Variants in FCRL2 observed in about 807,000 individuals in gnomAD.
FCRL2 encodes the protein Fc receptor-like protein 2.
FCRL2 carries 48 observed loss-of-function variants against 59.8 expected under a neutral mutation model. That is an observed-to-expected ratio of 0.80 (90% CI 0.64 to 1.02). FCRL2 has a LOEUF of 1.02. Among genes scored for constraint, FCRL2 ranks in the 50% least tolerant of loss-of-function variants. FCRL2 has a pLI of 0.00. For synonymous variants in FCRL2, 251 were observed against 229.5 expected (o/e 1.09, Z -0.85); for missense variants, 658 against 597.3 (o/e 1.10, Z -1.06).
At chr1:157,769,168 A>T (rs575601780) in intron 4 of FCRL2, 1 of 156,128 alleles carries the variant, frequency 6.4e-6, no homozygotes, top group South Asian at 2.0e-4. Context: ...TCCTGATGCT[A>T]CATTGCCTTC....
At position 157,769,894 on chromosome 1, in the gene FCRL2, C is replaced by G. The variant is rs765009079; in HGVS notation, c.567G>C (p.Gln189His). ...AETVTHRIRK[Q>H]SLQSQIHVQR... is the part of the protein sequence containing the mutation. ...GCACGTGAATCTGGGATTGGAGGCT[C>G]TGTTTTCTGATCCTGTGAGTCACCG... Residue 189 changes from glutamine (Q) to histidine (H), a missense_variant, in exon 4 of 12, where the codon CAG becomes CAC. Transcript: ENST00000361516. The G allele has an allele frequency of 6.8e-6, 11 of 1,614,038 alleles. No homozygotes were observed. The South Asian group carries it at 1.2e-4, about 18-fold the overall frequency.
intron 1 of FCRL2, 46 bp from the exon 2 acceptor site, chr1:157,775,841 T>C (rs748570329): frequency 1.9e-6 from 3 of 1,599,480 alleles, no homozygotes; most frequent in African/African-American, 1.3e-5. Flanking sequence ...GCATTTGCCC[T>C]CATAATTTAT....
chr1:157,760,703 G>GAA (rs1648985566), intron 7 of FCRL2, among the ~76,000 whole-genome samples: 1 of 79,030 alleles, frequency 1.3e-5, no homozygotes, highest in Admixed American at 1.2e-4. Context: ...AAGAAGGAAA[G>GAA]AAAGAAAGAA....
chr1:157,747,404 C>T (rs907206816), intron 10 of FCRL2, among the ~76,000 whole-genome samples: 2 of 152,174 alleles, frequency 1.3e-5, no homozygotes, highest in Non-Finnish European at 2.9e-5. Context: ...GGATGACATC[C>T]CTTTCCTTCC....
chr1:157,766,778 T>G, intron 7 of FCRL2, 77 bp downstream of exon 7: 1 of 1,575,356 alleles, frequency 6.3e-7, no homozygotes. Flanking sequence ...TTCTCTCTTC[T>G]TTTTTTGTAA....
At chr1:157,755,387 T>C (rs1245884473) in intron 7 of FCRL2, among the ~76,000 whole-genome samples, 1 of 152,192 alleles carries the variant, frequency 6.6e-6, no homozygotes, top group East Asian at 1.9e-4. Context: ...GGCTGGTGTG[T>C]TATAAACAAG....
rs375921670 is a variant in FCRL2 at position 157,770,557 on chromosome 1, A to T, written c.162T>A (p.Asp54Glu). 55 of 1,614,122 alleles carry T rather than the reference A, an allele frequency of 3.4e-5. No homozygotes were observed. Among genetic ancestry groups the T allele is most frequent in the Non-Finnish European group, 4.4e-5 (52 of 1,180,038 alleles). Residue 54 changes from aspartate to glutamate, a missense_variant, in exon 3 of 12, where the codon GAT (aspartate) becomes GAA (glutamate). Physicochemically the swap from Asp to Glu is conservative, Grantham distance 45. Coordinates refer to ENST00000361516, the MANE Select transcript of FCRL2 (RefSeq NM_030764.4). ...TTTTGAAAACAGATAACTCTTTGTT[A>T]TCCTTATGGTAAGCCATCTTCTGAA... is the stretch of plus-strand genomic sequence containing the variant. ...WKIQKMAYHKDNKELSVFKKF... is the reference protein window; with the variant it reads ...WKIQKMAYHKENKELSVFKKF...
intron 7 of FCRL2, among the ~76,000 whole-genome samples, chr1:157,753,359 G>A (rs968687074): frequency 1.3e-5 from 2 of 152,000 alleles, no homozygotes; most frequent in Non-Finnish European, 2.9e-5. Flanking sequence ...TATAAACTGG[G>A]GATTCCCAGG....
chr1:157,758,984 T>G (rs941834367), intron 7 of FCRL2, among the ~76,000 whole-genome samples: 7 of 152,146 alleles, frequency 4.6e-5, no homozygotes, highest in African/African-American at 1.7e-4. Context: ...TTTGATATGG[T>G]TGGGCTGTGT....
chr1:157,751,891 A>C lies in FCRL2; in HGVS notation c.1280-2214T>G, dbSNP rs530706949. On this transcript the variant is annotated intron_variant, in intron 7 of 11. Coordinates refer to ENST00000361516, the MANE Select transcript of FCRL2 (RefSeq NM_030764.4). ...CCCCAAAATAGGAGCTGATTTTCTC[A>C]ACCGAGCAAACCTGGAGAGTCAGCT... 3.4e-4 allele frequency among the ~76,000 whole-genome samples: 52 copies of C among 151,054 alleles called. 1 individual carries two copies. The highest frequency in any genetic ancestry group is 1.8e-4 in the Non-Finnish European group (12 of 67,970).
chr1:157,764,774 T>C (rs941876330), intron 7 of FCRL2, among the ~76,000 whole-genome samples: 8 of 152,024 alleles, frequency 5.3e-5, no homozygotes, highest in African/African-American at 1.9e-4. Context: ...TTGAAACAAA[T>C]GAAAATTGAA....
chr1:157,749,033 G>C (rs1484951171), intron 8 of FCRL2, 73 bp from the exon 9 acceptor site: 1 of 1,336,086 alleles, frequency 7.5e-7, no homozygotes, highest in African/African-American at 1.4e-5. Context: ...ACTGGCTGAG[G>C]AGAGAGCAGG....
intron 6 of FCRL2, 89 bp from the exon 7 acceptor site, chr1:157,767,060 CAAGTAAGAGATCATTG>C (rs1295097106): frequency 7.3e-7 from 1 of 1,363,126 alleles, no homozygotes; most frequent in African/African-American, 1.5e-5. Context: ...AATACAAATT[CAAGTAAGAGATCATTG>C]AAGTGTAGTC....
intron 4 of FCRL2, 144 bp from the exon 5 acceptor site, chr1:157,768,845 A>G (rs1359133597): frequency 6.3e-6 from 5 of 796,226 alleles, no homozygotes; most frequent in Non-Finnish European, 9.7e-6. Flanking sequence ...GAGGTAGGGA[A>G]TCTATAACAA....
chr1:157,756,316 T>C (rs1487838260), intron 7 of FCRL2, among the ~76,000 whole-genome samples: 2 of 152,202 alleles, frequency 1.3e-5, no homozygotes, highest in Non-Finnish European at 2.9e-5. Context: ...TAAATTGAGG[T>C]GGTCCCAATT....
Position 157,770,616 on chromosome 1 carries a change from C to G in FCRL2, c.103G>C (p.Val35Leu). Reference sequence around the variant, plus strand: ...TTCTGTTCTCCCTGGCATTTCAGAACGATGCTGTCTCCTTCGAAGACAGAA... The same window carrying G: ...TTCTGTTCTCCCTGGCATTTCAGAAGGATGCTGTCTCCTTCGAAGACAGAA... ...PSSVFEGDSI[V>L]LKCQGEQNWK... Residue 35 changes from valine (V) to leucine (L), a missense_variant, in exon 3 of 12, where the codon GTT becomes CTT. Val to Leu is a conservative substitution (Grantham distance 32, BLOSUM62 1). Transcript: ENST00000361516. The G allele has an allele frequency of 6.2e-7, 1 of 1,614,130 alleles. No homozygotes were observed. The highest frequency in any genetic ancestry group is 8.5e-7 in the Non-Finnish European group (1 of 1,179,998).
In FCRL2 at chr1:157,746,767, T is replaced by A. The variant is rs1229999610; in HGVS notation, c.1496A>T (p.Gln499Leu). 4 of 1,613,796 alleles carry A rather than the reference T, an allele frequency of 2.5e-6. No homozygotes were observed. In the Admixed American group the frequency reaches 5.0e-5, roughly 20 times the overall value. ...IRTLLENKDS[Q>L]VIYSSVKKS ...TTTCTTCACAGAAGAGTAGATGACT[T>A]GGGAGTCCTGGGAGAGACACACAGG... The change falls in exon 12 of 12, where the codon CAA becomes CTA. Residue 499 changes from glutamine to leucine, a missense_variant. Transcript: ENST00000361516.
At chr1:157,754,588 C>T (rs1178391277) in intron 7 of FCRL2, among the ~76,000 whole-genome samples, 1 of 151,974 alleles carries the variant, frequency 6.6e-6, no homozygotes, top group African/African-American at 2.4e-5. Context: ...TTCAAGAACC[C>T]TCTCTTGGGG....
intron 7 of FCRL2, among the ~76,000 whole-genome samples, chr1:157,760,755 G>GAAAGAAAGAAAGA (rs1354127441): frequency 1.6e-5 from 2 of 124,662 alleles, no homozygotes; most frequent in East Asian, 2.3e-4. Flanking sequence ...AAGAAAGAAA[G>GAAAGAAAGAAAGA]AAGAAAGAAT....
Sources: gnomAD v4.1 joint callset for allele counts (sites outside exome capture counted in the v4.1 genomes callset) on GRCh38, gnomAD v4.1.1 for gene constraint, MANE v1.5 for transcripts, NCBI Gene and HGNC (gene_info 2026-07-23, HGNC 2026-07-21) for gene names.